The following CAMKMT variants were observed in gnomAD, a reference collection of about 807,000 sequenced individuals.
The protein encoded by CAMKMT is CaM KMT.
CAMKMT carries 53 observed loss-of-function variants against 48.0 expected under a neutral mutation model. The ratio of observed to expected loss-of-function variants is 1.10; its 90% CI spans 0.89 to 1.39. The LOEUF (loss-of-function observed/expected upper bound fraction) is 1.39. Ranked by LOEUF, CAMKMT falls within the 40% of genes most tolerant of loss-of-function variation. CAMKMT has a pLI of 0.00. For synonymous variants in CAMKMT, 165 were observed against 152.3 expected (o/e 1.08, Z -0.61); for missense variants, 428 against 402.7 (o/e 1.06, Z -0.54).
chr2:44,580,295 G>C (rs1389437567), intron 3 of CAMKMT, among the ~76,000 whole-genome samples: 1 of 97,260 alleles, frequency 1.0e-5, no homozygotes, highest in East Asian at 2.6e-4. Flanking sequence ...TGCTGAATTA[G>C]AAACGATAAT....
intron 3 of CAMKMT, among the ~76,000 whole-genome samples, chr2:44,499,633 T>C (rs1669915422): frequency 6.6e-6 from 1 of 152,228 alleles, no homozygotes; most frequent in African/African-American, 2.4e-5. Flanking sequence ...CTTTGGTACT[T>C]GTCCTGTGAC....
At chr2:44,703,562 G>A (rs1288351382) in intron 3 of CAMKMT, among the ~76,000 whole-genome samples, 3 of 151,932 alleles carry the variant, frequency 2.0e-5, no homozygotes, top group African/African-American at 7.3e-5. Context: ...GGCAGATCAC[G>A]AGGTCAGGAG....
intron 3 of CAMKMT, among the ~76,000 whole-genome samples, chr2:44,696,829 A>T (rs1295572259): frequency 6.6e-6 from 1 of 152,188 alleles, no homozygotes; most frequent in African/African-American, 2.4e-5. Flanking sequence ...AAGAAACTAT[A>T]ATTAATACTT....
intron 3 of CAMKMT, among the ~76,000 whole-genome samples, chr2:44,625,959 C>G (rs554297887): frequency 6.6e-6 from 1 of 151,978 alleles, no homozygotes; most frequent in African/African-American, 2.4e-5. Context: ...TAATTTTGTT[C>G]TACTTTTTCC....
Position 44,703,973 on chromosome 2 carries a change from T to A in CAMKMT, c.377-310T>A, listed in dbSNP as rs962728155. Among the ~76,000 whole-genome samples the A allele has an allele frequency of 1.4e-4, 22 of 152,196 alleles. No homozygotes were observed. The East Asian group carries it at 3.9e-3, about 27-fold the overall frequency. On this transcript the variant is annotated intron_variant, in intron 3 of 10. Coordinates refer to ENST00000378494, the MANE Select transcript of CAMKMT (RefSeq NM_024766.5). ...TAATTTTATGTGCACAAGATGAAGA[T>A]CTATGTGAAGTACCATCAAAATTTA...
At chr2:44,681,021 C>T (rs1675990329) in intron 3 of CAMKMT, among the ~76,000 whole-genome samples, 1 of 152,148 alleles carries the variant, frequency 6.6e-6, no homozygotes, top group African/African-American at 2.4e-5. Context: ...CTGGGAACTG[C>T]TCCAACATGT....
chr2:44,713,656 G>A (rs1283384906), intron 6 of CAMKMT, among the ~76,000 whole-genome samples: 2 of 152,012 alleles, frequency 1.3e-5, no homozygotes, highest in Admixed American at 6.6e-5. Flanking sequence ...GAAAAAAAAA[G>A]TCTGCATTAT....
chr2:44,649,558 G>A (rs1673941793), intron 3 of CAMKMT, among the ~76,000 whole-genome samples: 1 of 152,170 alleles, frequency 6.6e-6, no homozygotes, highest in Non-Finnish European at 1.5e-5. Context: ...ACAGGCATCT[G>A]CTGGGTAGAA....
intron 8 of CAMKMT, among the ~76,000 whole-genome samples, chr2:44,749,941 T>C (rs1165886803): frequency 1.3e-5 from 2 of 152,022 alleles, no homozygotes; most frequent in Non-Finnish European, 2.9e-5. Context: ...GCATTAGAAA[T>C]GGGAGTAGGG....
intron 3 of CAMKMT, among the ~76,000 whole-genome samples, chr2:44,458,749 C>T (rs1248378033): frequency 1.3e-5 from 2 of 152,038 alleles, no homozygotes; most frequent in African/African-American, 2.4e-5. Context: ...TGAGAGAAAT[C>T]GATAAAAGGC....
chr2:44,486,232 G>T (rs750667251), intron 3 of CAMKMT, among the ~76,000 whole-genome samples: 1 of 152,142 alleles, frequency 6.6e-6, no homozygotes, highest in Non-Finnish European at 1.5e-5. Flanking sequence ...CTCCCAAAGT[G>T]CTGGGATTAC....
At chr2:44,600,689 T>C (rs1359347622) in intron 3 of CAMKMT, among the ~76,000 whole-genome samples, 1 of 152,174 alleles carries the variant, frequency 6.6e-6, no homozygotes. Flanking sequence ...CACGCATATG[T>C]GTCTGTGCAC....
chr2:44,714,959 T>G (rs1678092214), intron 6 of CAMKMT, among the ~76,000 whole-genome samples: 1 of 152,098 alleles, frequency 6.6e-6, no homozygotes, highest in African/African-American at 2.4e-5. Context: ...TTTGGGAAAC[T>G]GAGACAGGTG....
At chr2:44,526,369 A>G (rs934855551) in intron 3 of CAMKMT, among the ~76,000 whole-genome samples, 2 of 152,220 alleles carry the variant, frequency 1.3e-5, no homozygotes, top group South Asian at 2.1e-4. Flanking sequence ...CCAGTAGAGT[A>G]TATATAGATG....
intron 3 of CAMKMT, among the ~76,000 whole-genome samples, chr2:44,566,903 G>A (rs1668645463): frequency 6.6e-6 from 1 of 152,196 alleles, no homozygotes; most frequent in Admixed American, 6.5e-5. Context: ...TTTTTGCGGA[G>A]TTGGGCTCTG....
At chr2:44,607,412 C>T (rs1421665485) in intron 3 of CAMKMT, among the ~76,000 whole-genome samples, 7 of 152,136 alleles carry the variant, frequency 4.6e-5, no homozygotes, top group African/African-American at 1.7e-4. Context: ...TTATCAGTAC[C>T]AGTGTTTATT....
intron 8 of CAMKMT, 82 bp downstream of exon 8, chr2:44,743,778 G>A (rs1679804773): frequency 2.0e-6 from 2 of 1,000,124 alleles, no homozygotes; most frequent in Non-Finnish European, 3.1e-6. Context: ...TTAGCTGACG[G>A]CTAAGCAAAG....
intron 3 of CAMKMT, among the ~76,000 whole-genome samples, chr2:44,465,183 T>G (rs1668046759): frequency 6.6e-6 from 1 of 152,140 alleles, no homozygotes; most frequent in Non-Finnish European, 1.5e-5. Flanking sequence ...ATTTAAGTTA[T>G]CAGTTTAAAA....
intron 3 of CAMKMT, among the ~76,000 whole-genome samples, chr2:44,509,095 CA>C (rs10666078): frequency 1.6e-4 from 23 of 140,774 alleles, no homozygotes; most frequent in Middle Eastern, 3.5e-3. Flanking sequence ...GACCCCATGT[CA>C]AAAAAAAAAA....
Sources: gnomAD v4.1 joint callset for allele counts (sites outside exome capture counted in the v4.1 genomes callset) on GRCh38, gnomAD v4.1.1 for gene constraint, MANE v1.5 for transcripts, NCBI Gene and HGNC (gene_info 2026-07-23, HGNC 2026-07-21) for gene names.